EIF3B: variants seen among roughly 807,000 people sequenced by gnomAD.
EIF3B encodes the protein eukaryotic translation initiation factor 3 subunit B.
Under a neutral mutation model 104.6 loss-of-function variants are expected in EIF3B, and 10 were observed. The observed-to-expected ratio is 0.10, with a 90% confidence interval of 0.06 to 0.16. EIF3B has a LOEUF of 0.16. Ranked by LOEUF, EIF3B falls within the 10% of genes least tolerant of loss-of-function variation. The pLI is 1.00. For synonymous variants in EIF3B, 542 were observed against 417.2 expected, an observed-to-expected ratio of 1.30 and a Z score of -3.65; for missense variants, 1,014 against 1,087.9, an observed-to-expected ratio of 0.93 and a Z score of 0.96.
At chr7:2,364,588 C>G in intron 6 of EIF3B, 59 bp downstream of exon 6, 1 of 1,459,158 alleles carries the variant, frequency 6.9e-7, no homozygotes, top group Non-Finnish European at 9.4e-7. Flanking sequence ...CAGCCTTCTA[C>G]AGGTGATCTT....
Position 2,369,574 on chromosome 7 carries a change from A to G in EIF3B, c.1506A>G (p.Gln502=), listed in dbSNP as rs374012155. 1 of 1,614,136 alleles carries G rather than the reference A, an allele frequency of 6.2e-7. No homozygotes were observed. The highest frequency in any genetic ancestry group is 1.3e-5 in the African/African-American group (1 of 75,036). ...CCCTGATGCAGCTCCCTACCAGGCA[A>G]GAGATCCGAGTGAGGAACCTGTTCA... The part of the protein sequence containing the change: ...RVTLMQLPTR[Q]EIRVRNLFNV... Residue 502 remains glutamine (Q), a synonymous_variant, in exon 10 of 19, where the codon CAA becomes CAG. Transcript: ENST00000360876.
intron 1 of EIF3B, among the ~76,000 whole-genome samples, chr7:2,360,091 C>CA (rs1410690116): frequency 2.0e-5 from 3 of 152,264 alleles, no homozygotes; most frequent in African/African-American, 7.2e-5. Flanking sequence ...TGTGAATGGC[C>CA]ATCCAGTTCA....
At position 2,355,205 on chromosome 7, in the gene EIF3B, C is replaced by A; in HGVS notation, c.284C>A (p.Ser95Ter). 1 of 1,489,178 alleles carries A rather than the reference C, an allele frequency of 6.7e-7. No individual in the cohort carries two copies. Among genetic ancestry groups the A allele is most frequent in the South Asian group, 1.3e-5 (1 of 79,202 alleles). 92.2% of individuals were successfully genotyped at this position (1,489,178 alleles called of 1,614,324 possible). The change falls in exon 1 of 19, where the codon TCG becomes TAG. Residue 95 changes from serine (S) to a stop codon, truncating the protein, a stop_gained. Transcript: ENST00000360876. LOFTEE classifies it high-confidence loss of function. The part of the protein sequence containing the change: ...SPPAAEELPG[S>*]HAEPPVPAQG... ...CCGGCCGCCGAGGAGCTGCCCGGGTCGCATGCTGAGCCCCCTGTCCCGGCA... is the reference window on the plus strand; with the variant it reads ...CCGGCCGCCGAGGAGCTGCCCGGGTAGCATGCTGAGCCCCCTGTCCCGGCA...
At chr7:2,355,803 G>A (rs1376885565) in intron 1 of EIF3B, among the ~76,000 whole-genome samples, 1 of 152,154 alleles carries the variant, frequency 6.6e-6, no homozygotes, top group African/African-American at 2.4e-5. Context: ...GGGTCTACGT[G>A]TCCCCAGAGC....
chr7:2,367,496 CAG>C (rs946706614), intron 9 of EIF3B, among the ~76,000 whole-genome samples: 15 of 152,238 alleles, frequency 9.9e-5, no homozygotes, highest in African/African-American at 3.6e-4. Flanking sequence ...TTGTTAGAGA[CAG>C]AGTCTCGCTC....
intron 9 of EIF3B, among the ~76,000 whole-genome samples, chr7:2,367,761 C>T (rs1431132515): frequency 2.0e-5 from 3 of 151,012 alleles, no homozygotes; most frequent in Admixed American, 2.0e-4. Flanking sequence ...AGCCACCATG[C>T]CCAGCCTGTC....
chr7:2,359,004 A>C (rs2115280646), intron 1 of EIF3B, among the ~76,000 whole-genome samples: 1 of 152,246 alleles, frequency 6.6e-6, no homozygotes, highest in Non-Finnish European at 1.5e-5. Context: ...GGATTGCTAG[A>C]GCCCAGGAGT....
intron 15 of EIF3B, among the ~76,000 whole-genome samples, chr7:2,377,432 A>G (rs1262501326): frequency 6.6e-6 from 1 of 152,220 alleles, no homozygotes; most frequent in Non-Finnish European, 1.5e-5. Flanking sequence ...AGGAGGGTTA[A>G]ATCCCAGGGA....
In EIF3B at chr7:2,362,736, C is replaced by A; in HGVS notation, c.784C>A (p.Arg262=). The A allele has an allele frequency of 6.2e-7, 1 of 1,614,186 alleles. No individual in the cohort carries two copies. The highest frequency in any genetic ancestry group is 8.5e-7 in the Non-Finnish European group (1 of 1,180,036). The change falls in exon 3 of 19, where the codon CGG becomes AGG. Residue 262 remains arginine (R), a synonymous_variant. Coordinates refer to ENST00000360876, the MANE Select transcript of EIF3B (RefSeq NM_001037283.2). ...CAAGCTTGACAAGCAGCACACATTC[C>A]GGGTCAACCTCTTTACGGATTTTGA... ...GYKLDKQHTF[R]VNLFTDFDKY...
intron 1 of EIF3B, among the ~76,000 whole-genome samples, chr7:2,359,845 G>C (rs1379530136): frequency 6.6e-6 from 1 of 152,210 alleles, no homozygotes; most frequent in Non-Finnish European, 1.5e-5. Flanking sequence ...AGAACTGCTT[G>C]ATGCGACACC....
At chr7:2,373,848 G>C (rs751566169) in intron 12 of EIF3B, 1 of 152,208 alleles carries the variant, frequency 6.6e-6, no homozygotes, top group Non-Finnish European at 1.5e-5. Context: ...GTTTTCGCTT[G>C]TGCAAGTCTG....
chr7:2,366,658 T>C (rs1377027467), intron 8 of EIF3B, 67 bp downstream of exon 8: 3 of 1,568,564 alleles, frequency 1.9e-6, no homozygotes, highest in East Asian at 2.2e-5. Context: ...GTGGTGCCTT[T>C]CCTTATTTGT....
upstream of EIF3B, among the ~76,000 whole-genome samples, chr7:2,354,527 C>A (rs1359841158): frequency 6.6e-6 from 1 of 152,176 alleles, no homozygotes. Context: ...CCTTCAGCTC[C>A]ACAAATAGTT....
chr7:2,362,753 G>A lies in EIF3B; in HGVS notation c.801G>A (p.Thr267=), dbSNP rs116770364. The A allele has an allele frequency of 1.5e-4, 244 of 1,614,096 alleles. No individual in the cohort carries two copies. The African/African-American group carries it at 2.9e-3, about 19-fold the overall frequency. Residue 267 remains threonine (T), a synonymous_variant, in exon 3 of 19, where the codon ACG becomes ACA. Transcript: ENST00000360876. The stretch of plus-strand genomic sequence containing the variant: ...ACACATTCCGGGTCAACCTCTTTAC[G>A]GATTTTGACAAGTGAGTTCAGACTT... The part of the protein sequence containing the change: ...KQHTFRVNLF[T]DFDKYMTISD...
At chr7:2,369,313 C>T (rs146706009) in intron 9 of EIF3B, among the ~76,000 whole-genome samples, 159 bp from the exon 10 acceptor site, 147 of 152,348 alleles carry the variant, frequency 9.6e-4, no homozygotes, top group South Asian at 1.9e-3. Flanking sequence ...TGAAGCTGCG[C>T]GGCATGCCCA....
rs756118340 is a variant in EIF3B at position 2,379,129 on chromosome 7, C to T, written c.2233-5C>T. 3.1e-6 allele frequency: 5 copies of T among 1,613,172 alleles called. No homozygotes were observed. The highest frequency in any genetic ancestry group is 1.7e-5 in the Admixed American group (1 of 59,954). On this transcript the variant is annotated splice_region_variant and splice_polypyrimidine_tract_variant and intron_variant, in intron 16 of 18. Coordinates refer to ENST00000360876, the MANE Select transcript of EIF3B (RefSeq NM_001037283.2). ...GTTCTGTGCTTTCCCCAACCTCATG[C>T]ATAGGAATTGGTGGAGAGAAGGCGC... is the stretch of plus-strand genomic sequence containing the variant.
At chr7:2,367,278 C>G (rs1337818359) in intron 9 of EIF3B, among the ~76,000 whole-genome samples, 1 of 151,960 alleles carries the variant, frequency 6.6e-6, no homozygotes. Flanking sequence ...TGGAGGAAGG[C>G]CTCCGTGGCC....
Position 2,380,351 on chromosome 7 carries a change from C to G in EIF3B, c.*162C>G, listed in dbSNP as rs768630686. ...GTGACTCCCGCCTCCTCCCTGTGCT[C>G]TCTGGCTCTGGACTGTGACTGCGCC... On this transcript the variant is annotated 3_prime_UTR_variant, in exon 19 of 19. Coordinates refer to ENST00000360876, the MANE Select transcript of EIF3B (RefSeq NM_001037283.2). The G allele has an allele frequency of 1.9e-6, 1 of 518,862 alleles. No individual in the cohort carries two copies. Among genetic ancestry groups the G allele is most frequent in the South Asian group, 1.4e-5 (1 of 71,550 alleles). The allele number at this position is 518,862 out of a possible 1,614,324, so 32.1% of individuals were successfully genotyped here. A position where few individuals can be genotyped will look rare whatever the true frequency, so the allele number is the denominator to read the frequency against.
chr7:2,366,645 G>C lies in EIF3B; in HGVS notation c.1356+54G>C, dbSNP rs1172728083. ...CCGTCCGGTCCTTGCTTGTAACCGG[G>C]GTGTGGTGCCTTTCCTTATTTGTGC... On this transcript the variant is annotated intron_variant, in intron 8 of 18. Coordinates refer to ENST00000360876, the MANE Select transcript of EIF3B (RefSeq NM_001037283.2). 1.9e-6 allele frequency: 3 copies of C among 1,588,870 alleles called. 1 individual carries two copies. In the African/African-American group the frequency reaches 4.0e-5, roughly 21 times the overall value.
Sources: allele counts gnomAD v4.1 joint callset (sites outside exome capture counted in the v4.1 genomes callset), GRCh38; gene constraint gnomAD v4.1.1; transcripts MANE v1.5; gene names NCBI Gene and HGNC (gene_info 2026-07-23, HGNC 2026-07-21).